Variants in SLC25A21 observed in about 807,000 individuals in gnomAD.
SLC25A21 encodes solute carrier family 25 member 21.
Under a neutral mutation model 43.8 loss-of-function variants are expected in SLC25A21, and 47 were observed. That is an observed-to-expected ratio of 1.07 (90% confidence interval 0.85 to 1.37). SLC25A21 has a LOEUF of 1.37. SLC25A21 is among the 40% of genes most tolerant of loss of function. The pLI, the probability that SLC25A21 is intolerant of heterozygous loss-of-function variation, is 0.00. For missense variants in SLC25A21, 352 were observed against 350.2 expected (o/e 1.00, Z -0.04); for synonymous variants, 131 against 121.3 (o/e 1.08, Z -0.52).
At chr14:37,168,441 A>T (rs1255688212) in intron 1 of SLC25A21, among the ~76,000 whole-genome samples, 1 of 152,164 alleles carries the variant, frequency 6.6e-6, no homozygotes, top group Non-Finnish European at 1.5e-5. Context: ...TTCTTATAAA[A>T]GACAGACCTA....
intron 1 of SLC25A21, among the ~76,000 whole-genome samples, chr14:36,931,942 G>T (rs1892306787): frequency 1.3e-5 from 2 of 152,068 alleles, no homozygotes; most frequent in Non-Finnish European, 2.9e-5. Context: ...CAAATCAAGG[G>T]ATATAGTGCT....
intron 3 of SLC25A21, among the ~76,000 whole-genome samples, chr14:36,741,833 C>T (rs923395891): frequency 6.6e-6 from 1 of 152,164 alleles, no homozygotes; most frequent in African/African-American, 2.4e-5. Context: ...GACACCAGAT[C>T]CCCAGTTGGG....
chr14:37,094,140 T>C lies in SLC25A21; in HGVS notation c.70+78141A>G, dbSNP rs1962641207. Among the ~76,000 whole-genome samples, 3 of 152,194 alleles carry C rather than the reference T, an allele frequency of 2.0e-5. 1 individual carries two copies. Among genetic ancestry groups the C allele is most frequent in the East Asian group, 1.9e-4 (1 of 5,196 alleles). ...AGCCCTAGATAACATTGCTACATCA[T>C]AGCAATGTGAACAAGTGTGGAGTTT... On this transcript the variant is annotated intron_variant, in intron 1 of 9. Transcript: ENST00000331299.
At chr14:36,745,354 T>C (rs534901893) in intron 3 of SLC25A21, among the ~76,000 whole-genome samples, 89 of 152,300 alleles carry the variant, frequency 5.8e-4, no homozygotes, top group Middle Eastern at 6.8e-3. Flanking sequence ...TTTGGGTATA[T>C]ACCTAGGAAT....
intron 1 of SLC25A21, among the ~76,000 whole-genome samples, chr14:37,151,792 T>C (rs950557578): frequency 3.9e-5 from 6 of 152,316 alleles, no homozygotes; most frequent in Middle Eastern, 6.8e-3. Flanking sequence ...TCCAGCACTT[T>C]GGGAGGCCAA....
Position 36,758,409 on chromosome 14 carries a change from G to A in SLC25A21, c.204-23836C>T, listed in dbSNP as rs538048564. On this transcript the variant is annotated intron_variant, in intron 3 of 9. Transcript: ENST00000331299. Reference sequence around the variant, plus strand: ...CCACAGAAGACTCCCTCTGGGCCCAGGGCATGACCCAGGAGAGGGGCGTAG... The same window carrying A: ...CCACAGAAGACTCCCTCTGGGCCCAAGGCATGACCCAGGAGAGGGGCGTAG... 5.3e-4 allele frequency among the ~76,000 whole-genome samples: 81 copies of A among 152,220 alleles called. 1 individual carries two copies. The South Asian group carries it at 0.016, about 29-fold the overall frequency.
chr14:36,700,067 C>T (rs940573628), intron 7 of SLC25A21, among the ~76,000 whole-genome samples: 3 of 152,196 alleles, frequency 2.0e-5, no homozygotes, highest in East Asian at 3.9e-4. Flanking sequence ...TGTTCCTATT[C>T]GGCCATCTTG....
At chr14:36,837,080 A>AT (rs1889233877) in intron 2 of SLC25A21, among the ~76,000 whole-genome samples, 2 of 152,272 alleles carry the variant, frequency 1.3e-5, no homozygotes, top group Admixed American at 1.3e-4. Flanking sequence ...CAGTTTCCTT[A>AT]GTAGACAGGA....
At chr14:36,817,813 G>C (rs1314992351) in intron 2 of SLC25A21, among the ~76,000 whole-genome samples, 1 of 152,126 alleles carries the variant, frequency 6.6e-6, no homozygotes, top group Non-Finnish European at 1.5e-5. Flanking sequence ...ATGTCTGCAT[G>C]CTCAGGTAAT....
rs1566834783 is a variant in SLC25A21, at chr14:37,040,236, G to GAGGA, written c.70+132041_70+132044dup. 4.6e-4 allele frequency among the ~76,000 whole-genome samples: 11 copies of GAGGA among 23,746 alleles called. No homozygotes were observed. The African/African-American group carries it at 6.4e-3, about 14-fold the overall frequency. The allele number at this position is 23,746 out of a possible 152,430, so 15.6% of individuals were successfully genotyped here. A position where few individuals can be genotyped will look rare whatever the true frequency, so the allele number is the denominator to read the frequency against. On this transcript the variant is annotated intron_variant, in intron 1 of 9. Transcript: ENST00000331299. Reference sequence around the variant, plus strand: ...AGAAAAAGAAAAAGAAAAAGAAAGGGAGGAAGGGAGGAAGGGAGGGAGGGA... The same window carrying GAGGA: ...AGAAAAAGAAAAAGAAAAAGAAAGGGAGGAAGGAAGGGAGGAAGGGAGGGAGGGA...
chr14:36,865,918 G>A (rs1337726291), intron 2 of SLC25A21, among the ~76,000 whole-genome samples: 1 of 152,124 alleles, frequency 6.6e-6, no homozygotes, highest in Non-Finnish European at 1.5e-5. Flanking sequence ...TGATTAATAT[G>A]TTTTGAGAGA....
intron 1 of SLC25A21, among the ~76,000 whole-genome samples, chr14:36,899,945 G>C (rs979834843): frequency 6.6e-6 from 1 of 152,052 alleles, no homozygotes; most frequent in African/African-American, 2.4e-5. Flanking sequence ...ATTCATCCAG[G>C]TAGTCAATTC....
chr14:36,854,521 GTATTT>G (rs1889840301), intron 2 of SLC25A21, among the ~76,000 whole-genome samples: 1 of 152,176 alleles, frequency 6.6e-6, no homozygotes, highest in Admixed American at 6.5e-5. Flanking sequence ...GATAATACTA[GTATTT>G]CCTACATGGG....
intron 1 of SLC25A21, among the ~76,000 whole-genome samples, chr14:37,108,286 C>A (rs1015466243): frequency 1.3e-5 from 2 of 152,138 alleles, no homozygotes; most frequent in African/African-American, 4.8e-5. Context: ...CTAATGAATT[C>A]ATTGCCCATG....
At chr14:36,881,613 A>G (rs928445988) in intron 1 of SLC25A21, among the ~76,000 whole-genome samples, 2 of 152,172 alleles carry the variant, frequency 1.3e-5, no homozygotes, top group African/African-American at 4.8e-5. Flanking sequence ...TTTACAACCT[A>G]GGTCACAGAA....
chr14:37,017,791 T>G (rs1566818107), intron 1 of SLC25A21, among the ~76,000 whole-genome samples: 1 of 151,894 alleles, frequency 6.6e-6, no homozygotes, highest in Admixed American at 6.6e-5. Context: ...AATGAAAAGA[T>G]TTTCAACGAC....
chr14:36,782,536 ACCT>A (rs780954515), intron 3 of SLC25A21, among the ~76,000 whole-genome samples: 2 of 151,980 alleles, frequency 1.3e-5, no homozygotes, highest in Non-Finnish European at 2.9e-5. Context: ...AGATGCAGTC[ACCT>A]CCTCAAGTAT....
chr14:37,162,111 T>TAGGAGAG (rs1426180147), intron 1 of SLC25A21, among the ~76,000 whole-genome samples: 2 of 152,032 alleles, frequency 1.3e-5, no homozygotes, highest in Non-Finnish European at 2.9e-5. Context: ...TGCCAGAAGC[T>TAGGAGAG]AGGAGAGAGG....
At chr14:36,978,884 A>T (rs540413380) in intron 1 of SLC25A21, among the ~76,000 whole-genome samples, 2 of 152,150 alleles carry the variant, frequency 1.3e-5, no homozygotes, top group Non-Finnish European at 2.9e-5. Context: ...CTTCAAAAAA[A>T]GTTTACTGAG....
Sources: allele counts gnomAD v4.1 joint callset (sites outside exome capture counted in the v4.1 genomes callset), GRCh38; gene constraint gnomAD v4.1.1; transcripts MANE v1.5; gene names NCBI Gene and HGNC (gene_info 2026-07-23, HGNC 2026-07-21).